Variants in OR8H1 observed in about 807,000 individuals in gnomAD.
OR8H1 encodes olfactory receptor 8H1.
For missense variants in OR8H1, 388 were observed against 374.1 expected (o/e 1.04, Z -0.31); for synonymous variants, 135 against 134.5 (o/e 1.00, Z -0.03).
intron 1 of OR8H1, 114 bp from the exon 2 acceptor site, chr11:56,291,198 A>G (rs1284069849): frequency 1.6e-6 from 1 of 639,212 alleles, no homozygotes; most frequent in Non-Finnish European, 2.6e-6. Flanking sequence ...ACATTTATAG[A>G]ATGTGACCTT....
chr11:56,291,148 C>G, intron 1 of OR8H1, 64 bp from the exon 2 acceptor site: 1 of 938,152 alleles, frequency 1.1e-6, no homozygotes, highest in Non-Finnish European at 1.6e-6. Flanking sequence ...ATACAATAAC[C>G]TAGCATTTAA....
In OR8H1 at chr11:56,290,154, G is replaced by A. The variant is rs1405126089; in HGVS notation, c.909C>T (p.Val303=). The change falls in exon 2 of 2, where the codon GTC becomes GTT. Residue 303 remains valine, a synonymous_variant. Coordinates refer to ENST00000641600, the MANE Select transcript of OR8H1 (RefSeq NM_001005199.2). ...NKEVKNALIR[V]MQRRQDSR ...ACCTGGAGTCCTGTCTTCTCTGCATGACTCTAATGAGAGCATTTTTAACTT... is the reference window on the plus strand; with the variant it reads ...ACCTGGAGTCCTGTCTTCTCTGCATAACTCTAATGAGAGCATTTTTAACTT... 1 of 1,607,534 alleles carries A rather than the reference G, an allele frequency of 6.2e-7. No individual in the cohort carries two copies. The highest frequency in any genetic ancestry group is 8.5e-7 in the Non-Finnish European group (1 of 1,177,204).
Position 56,288,710 on chromosome 11 carries a change from G to A in OR8H1, c.*1417C>T, listed in dbSNP as rs1854098859. The stretch of plus-strand genomic sequence containing the variant: ...AAAGAGATTATCCAATGTTAAACTT[G>A]TAAATGGATACAGAAAGCTGAAAAT... On this transcript the variant is annotated 3_prime_UTR_variant, in exon 2 of 2. Transcript: ENST00000641600. The A allele has an allele frequency of 6.6e-6, 1 of 152,064 alleles. No homozygotes were observed. The highest frequency in any genetic ancestry group is 1.5e-5 in the Non-Finnish European group (1 of 67,936). 9.4% of individuals were successfully genotyped at this position (152,064 alleles called of 1,614,324 possible).
chr11:56,290,956 AG>A lies in OR8H1; in HGVS notation c.106del (p.Leu36Ter). 2 of 1,614,166 alleles carry A rather than the reference AG, an allele frequency of 1.2e-6. No individual in the cohort carries two copies. The highest frequency in any genetic ancestry group is 1.7e-6 in the Non-Finnish European group (2 of 1,180,016). On this transcript the variant is annotated frameshift_variant, in exon 2 of 2. Transcript: ENST00000641600. LOFTEE classifies it low-confidence loss of function (END_TRUNC). ...ALFILFLLIY[L>X]ITMLGNVGMI... ...CCCCACATTGCCCAGCATAGTAATT[AG>A]GTATATCAGGAGAAATAGTATAAAG...
rs747924999 is a variant in OR8H1, at chr11:56,290,356, G to A, written c.707C>T (p.Ala236Val). 6.2e-7 allele frequency: 1 copy of A among 1,614,152 alleles called. No individual in the cohort carries two copies. Among genetic ancestry groups the A allele is most frequent in the Non-Finnish European group, 8.5e-7 (1 of 1,179,986 alleles). Residue 236 changes from alanine (A) to valine (V), a missense_variant, in exon 2 of 2, where the codon GCT (alanine) becomes GTT (valine). Transcript: ENST00000641600. ...GAGATGAGAGGCACAAGTAGACAAA[G>A]CTTTCTGCTTTCCTGAAGTGGAATT... ...KINSTSGKQK[A>V]LSTCASHLLG... is the part of the protein sequence containing the mutation.
At position 56,290,600 on chromosome 11, in the gene OR8H1, A is replaced by G. The variant is rs968772770; in HGVS notation, c.463T>C (p.Ser155Pro). The change falls in exon 2 of 2, where the codon TCC (serine) becomes CCC (proline). Residue 155 changes from serine (S) to proline (P), a missense_variant. Coordinates refer to ENST00000641600, the MANE Select transcript of OR8H1 (RefSeq NM_001005199.2). The stretch of plus-strand genomic sequence containing the variant: ...CTCATCCAAACCACATTGACAAAGG[A>G]GTTGATAAAGCTAATCACATAGGGC... ...TGPYVISFIN[S>P]FVNVVWMSRL... 6 of 1,614,190 alleles carry G rather than the reference A, an allele frequency of 3.7e-6. No individual in the cohort carries two copies. The highest frequency in any genetic ancestry group is 5.1e-6 in the Non-Finnish European group (6 of 1,180,024).
chr11:56,290,263 A>G lies in OR8H1; in HGVS notation c.800T>C (p.Leu267Ser), dbSNP rs745968939. Residue 267 changes from leucine to serine, a missense_variant, in exon 2 of 2, where the codon TTG (leucine) becomes TCG (serine). Coordinates refer to ENST00000641600, the MANE Select transcript of OR8H1 (RefSeq NM_001005199.2). ...TYLKPRKSYS[L>S]GRDQVASVFY... is the part of the protein sequence containing the mutation. ...AACAGAAGCCACTTGATCCCTTCCC[A>G]AAGAATAAGACTTTCTTGGTTTTAA... The G allele has an allele frequency of 6.2e-7, 1 of 1,613,242 alleles. No homozygotes were observed. The highest frequency in any genetic ancestry group is 8.5e-7 in the Non-Finnish European group (1 of 1,179,772).
Position 56,289,616 on chromosome 11 carries a change from TTTG to T in OR8H1, c.*508_*510del, listed in dbSNP as rs1375188111. 1.3e-5 allele frequency: 2 copies of T among 158,424 alleles called. No homozygotes were observed. Among genetic ancestry groups the T allele is most frequent in the East Asian group, 3.7e-4 (2 of 5,338 alleles). 9.8% of individuals were successfully genotyped at this position (158,424 alleles called of 1,614,324 possible). A position where few individuals can be genotyped will look rare whatever the true frequency, so the allele number is the denominator to read the frequency against. On this transcript the variant is annotated 3_prime_UTR_variant, in exon 2 of 2. Coordinates refer to ENST00000641600, the MANE Select transcript of OR8H1 (RefSeq NM_001005199.2). Reference sequence around the variant, plus strand: ...CACATATTATTATTTTTTGTTTTGTTTTGTTTTGTTCTGTTTTGTTTTGAGACG... The same window carrying T: ...CACATATTATTATTTTTTGTTTTGTTTTTTGTTCTGTTTTGTTTTGAGACG...
Position 56,290,647 on chromosome 11 carries a change from A to T in OR8H1, c.416T>A (p.Leu139Gln). 3 of 1,614,160 alleles carry T rather than the reference A, an allele frequency of 1.9e-6. No individual in the cohort carries two copies. The highest frequency in any genetic ancestry group is 2.5e-6 in the Non-Finnish European group (3 of 1,180,024). Reference protein sequence around the residue: ...LRYPVIMSKRLCCALVTGPYV... With the variant: ...LRYPVIMSKRQCCALVTGPYV... ...GGGCCCAGTGACAAGAGCGCAACAC[A>T]GCCTTTTGGACATAATAACTGGGTA... Residue 139 changes from leucine to glutamine, a missense_variant, in exon 2 of 2, where the codon CTG (leucine) becomes CAG (glutamine). Leu to Gln is a moderately radical substitution (Grantham distance 113). Coordinates refer to ENST00000641600, the MANE Select transcript of OR8H1 (RefSeq NM_001005199.2).
chr11:56,291,234 G>A (rs1854149118), intron 1 of OR8H1, 150 bp from the exon 2 acceptor site: 3 of 559,736 alleles, frequency 5.4e-6, no homozygotes, highest in Admixed American at 7.1e-5. Flanking sequence ...TGCCAATGTA[G>A]ATAAAAGTGT....
chr11:56,290,977 A>G lies in OR8H1; in HGVS notation c.86T>C (p.Ile29Thr). ...AATTAGGTATATCAGGAGAAATAGT[A>G]TAAAGAGGGCCATCTGGACCTCTTC... ...DSEEVQMALF[I>T]LFLLIYLITM... is the part of the protein sequence containing the mutation. The change falls in exon 2 of 2, where the codon ATA (isoleucine) becomes ACA (threonine). Residue 29 changes from isoleucine (I) to threonine (T), a missense_variant. By Grantham distance (89) the Ile-to-Thr change is moderately conservative (BLOSUM62 -1). Coordinates refer to ENST00000641600, the MANE Select transcript of OR8H1 (RefSeq NM_001005199.2). 3 of 1,614,200 alleles carry G rather than the reference A, an allele frequency of 1.9e-6. No individual in the cohort carries two copies. Among genetic ancestry groups the G allele is most frequent in the Non-Finnish European group, 2.5e-6 (3 of 1,180,006 alleles).
Position 56,290,054 on chromosome 11 carries a change from G to A in OR8H1, c.*73C>T. On this transcript the variant is annotated 3_prime_UTR_variant, in exon 2 of 2. Transcript: ENST00000641600. Reference sequence around the variant, plus strand: ...ATGAAGGATTCAATTGTTTTTATAGGGAGACCAAGGACATACCAAATAGAA... The same window carrying A: ...ATGAAGGATTCAATTGTTTTTATAGAGAGACCAAGGACATACCAAATAGAA... 8.3e-7 allele frequency: 1 copy of A among 1,199,658 alleles called. No homozygotes were observed. 74.3% of individuals were successfully genotyped at this position (1,199,658 alleles called of 1,614,324 possible). A position where few individuals can be genotyped will look rare whatever the true frequency, so the allele number is the denominator to read the frequency against.
chr11:56,290,295 A>G lies in OR8H1; in HGVS notation c.768T>C (p.Phe256=). The change falls in exon 2 of 2, where the codon TTT becomes TTC. Residue 256 remains phenylalanine (F), a synonymous_variant. Transcript: ENST00000641600. ...AAGACTTTCTTGGTTTTAAATAAGT[A>G]AAAATCATAGTTCCATAAAAGATGG... ...GVTIFYGTMI[F]TYLKPRKSYS... is the part of the protein sequence containing the mutation. The G allele has an allele frequency of 1.2e-6, 2 of 1,613,206 alleles. No homozygotes were observed. Among genetic ancestry groups the G allele is most frequent in the Non-Finnish European group, 1.7e-6 (2 of 1,179,756 alleles).
rs1441911168 is a variant in OR8H1 at position 56,289,409 on chromosome 11, A to T, written c.*718T>A. 1.3e-5 allele frequency: 2 copies of T among 152,220 alleles called. No homozygotes were observed. The highest frequency in any genetic ancestry group is 2.9e-5 in the Non-Finnish European group (2 of 68,054). 9.4% of individuals were successfully genotyped at this position (152,220 alleles called of 1,614,324 possible). A position where few individuals can be genotyped will look rare whatever the true frequency, so the allele number is the denominator to read the frequency against. On this transcript the variant is annotated 3_prime_UTR_variant, in exon 2 of 2. Coordinates refer to ENST00000641600, the MANE Select transcript of OR8H1 (RefSeq NM_001005199.2). ...CTGTTATAATTCTTCCCCATATAAT[A>T]AATGAAATAACTTCTGAGACTGTTA...
In OR8H1 at chr11:56,290,803, G is replaced by A; in HGVS notation, c.260C>T (p.Thr87Ile). 6.2e-7 allele frequency: 1 copy of A among 1,614,174 alleles called. No individual in the cohort carries two copies. Among genetic ancestry groups the A allele is most frequent in the Non-Finnish European group, 8.5e-7 (1 of 1,180,028 alleles). ...ITPKTLANLL[T>I]SNYISFMGCF... The stretch of plus-strand genomic sequence containing the variant: ...GCCCATGAAGGAAATATAGTTGGAA[G>A]TCAGTAAGTTCGCTAAGGTTTTAGG... The change falls in exon 2 of 2, where the codon ACT becomes ATT. Residue 87 changes from threonine to isoleucine, a missense_variant. Physicochemically the swap from Thr to Ile is moderately conservative, Grantham distance 89. Transcript: ENST00000641600.
In OR8H1 at chr11:56,290,969, G is replaced by A. The variant is rs202243190; in HGVS notation, c.94C>T (p.Leu32Phe). Residue 32 changes from leucine to phenylalanine, a missense_variant, in exon 2 of 2, where the codon CTC (leucine) becomes TTC (phenylalanine). By Grantham distance (22) the Leu-to-Phe change is conservative. Coordinates refer to ENST00000641600, the MANE Select transcript of OR8H1 (RefSeq NM_001005199.2). ...EVQMALFILF[L>F]LIYLITMLGN... is the part of the protein sequence containing the mutation. ...AGCATAGTAATTAGGTATATCAGGA[G>A]AAATAGTATAAAGAGGGCCATCTGG... 5 of 1,614,006 alleles carry A rather than the reference G, an allele frequency of 3.1e-6. No individual in the cohort carries two copies. Among genetic ancestry groups the A allele is most frequent in the African/African-American group, 1.3e-5 (1 of 74,906 alleles).
At position 56,289,619 on chromosome 11, in the gene OR8H1, G is replaced by C. The variant is rs966108377; in HGVS notation, c.*508C>G. On this transcript the variant is annotated 3_prime_UTR_variant, in exon 2 of 2. Transcript: ENST00000641600. ...ATATTATTATTTTTTGTTTTGTTTT[G>C]TTTTGTTCTGTTTTGTTTTGAGACG... 3.1e-5 allele frequency: 5 copies of C among 159,396 alleles called. No homozygotes were observed. The highest frequency in any genetic ancestry group is 1.2e-4 in the African/African-American group (5 of 41,412). 9.9% of individuals were successfully genotyped at this position (159,396 alleles called of 1,614,324 possible).
chr11:56,291,052 C>A lies in OR8H1; in HGVS notation c.11G>T (p.Arg4Ile), dbSNP rs1565100708. The A allele has an allele frequency of 1.3e-6, 2 of 1,589,466 alleles. No individual in the cohort carries two copies. Among genetic ancestry groups the A allele is most frequent in the African/African-American group, 2.7e-5 (2 of 73,904 alleles). Residue 4 changes from arginine to isoleucine, a missense_variant, in exon 2 of 2, where the codon AGA becomes ATA. By Grantham distance (97) the Arg-to-Ile change is moderately conservative. Coordinates refer to ENST00000641600, the MANE Select transcript of OR8H1 (RefSeq NM_001005199.2). ...GAAGTCAGGCACATTTGTGTTATTT[C>A]TTCTACCCATGATGTTCAATTGCTT... MGRRNNTNVPDFIL... is the reference protein window; with the variant it reads MGRINNTNVPDFIL...
At position 56,290,936 on chromosome 11, in the gene OR8H1, C is replaced by G. The variant is rs766483878; in HGVS notation, c.127G>C (p.Val43Leu). ...AGGCGGATTATCAATATCATCCCCA[C>G]ATTGCCCAGCATAGTAATTAGGTAT... is the stretch of plus-strand genomic sequence containing the variant. ...LIYLITMLGNVGMILIIRLDL... is the reference protein window; with the variant it reads ...LIYLITMLGNLGMILIIRLDL... The change falls in exon 2 of 2, where the codon GTG becomes CTG. Residue 43 changes from valine (V) to leucine (L), a missense_variant. Coordinates refer to ENST00000641600, the MANE Select transcript of OR8H1 (RefSeq NM_001005199.2). The G allele has an allele frequency of 2.7e-5, 43 of 1,614,056 alleles. No homozygotes were observed. The highest frequency in any genetic ancestry group is 1.6e-4 in the Middle Eastern group (1 of 6,084).
Sources: allele counts gnomAD v4.1 joint callset, GRCh38; gene constraint gnomAD v4.1.1; transcripts MANE v1.5; gene names NCBI Gene and HGNC (gene_info 2026-07-23, HGNC 2026-07-21).